Variants in EFS observed in about 807,000 individuals in gnomAD.
EFS encodes embryonal Fyn-associated substrate.
Under a neutral mutation model 42.2 loss-of-function variants are expected in EFS, and 34 were observed. The observed-to-expected ratio is 0.81, with a 90% CI of 0.61 to 1.07. The LOEUF is 1.07. Among genes scored for constraint, EFS ranks in the 50% least tolerant of loss-of-function variants. The pLI, the probability that EFS is intolerant of heterozygous loss-of-function variation, is 0.00. For synonymous variants in EFS, 299 were observed against 320.7 expected (o/e 0.93, Z 0.72); for missense variants, 717 against 729.4 (o/e 0.98, Z 0.20).
At chr14:23,363,369 G>A (rs982817996) in intron 1 of EFS, among the ~76,000 whole-genome samples, 1 of 152,078 alleles carries the variant, frequency 6.6e-6, no homozygotes, top group African/African-American at 2.4e-5. Context: ...ATGAGATAAC[G>A]CATAAAGAAA....
chr14:23,360,887 CG>C, intron 1 of EFS, 54 bp from the exon 2 acceptor site: 10 of 1,537,176 alleles, frequency 6.5e-6, no homozygotes, highest in African/African-American at 1.4e-5. Context: ...TTTCAGGTCA[CG>C]TCACCCCTGC....
chr14:23,359,532 G>T lies in EFS; in HGVS notation c.946C>A (p.Pro316Thr), dbSNP rs763601003. Residue 316 changes from proline to threonine, a missense_variant, in exon 4 of 6, where the codon CCC (proline) becomes ACC (threonine). Transcript: ENST00000216733. ...GGAGAGGGCACTGGGGAGGGGCTGG[G>T]GGCCTCAGGGACAGGCAGGGCAGGC... is the stretch of plus-strand genomic sequence containing the variant. ...PLPALPVPEA[P>T]SPSPVPSPAP... 6.5e-7 allele frequency: 1 copy of T among 1,534,052 alleles called. No homozygotes were observed. Among genetic ancestry groups the T allele is most frequent in the Admixed American group, 2.1e-5 (1 of 47,336 alleles).
chr14:23,362,240 A>G (rs1443645028), intron 1 of EFS, among the ~76,000 whole-genome samples: 3 of 152,230 alleles, frequency 2.0e-5, no homozygotes, highest in African/African-American at 7.2e-5. Flanking sequence ...GCTTGCTGGT[A>G]GGATCCCAGG....
At chr14:23,364,918 G>C in intron 1 of EFS, 90 bp downstream of exon 1, 1 of 1,164,812 alleles carries the variant, frequency 8.6e-7, no homozygotes, top group Non-Finnish European at 1.1e-6. Flanking sequence ...CAAGGAGAGA[G>C]ACAAAGAGAG....
intron 1 of EFS, among the ~76,000 whole-genome samples, chr14:23,364,720 G>C (rs1464795460): frequency 1.3e-5 from 2 of 152,014 alleles, no homozygotes; most frequent in Non-Finnish European, 2.9e-5. Context: ...GGAGCAGATA[G>C]GACTCGGGCT....
At chr14:23,358,053 G>A (rs1485022971) in intron 5 of EFS, among the ~76,000 whole-genome samples, 2 of 151,948 alleles carry the variant, frequency 1.3e-5, no homozygotes, top group Admixed American at 6.5e-5. Flanking sequence ...ATATAAAAAT[G>A]TTATAATTTC....
chr14:23,358,891 C>T lies in EFS; in HGVS notation c.1236G>A (p.Gly412=). The T allele has an allele frequency of 1.2e-6, 2 of 1,612,348 alleles. No homozygotes were observed. The highest frequency in any genetic ancestry group is 1.1e-5 in the South Asian group (1 of 90,718). ...CTGDPELPER[G]MPAPQEALSP... is the part of the protein sequence containing the mutation. ...CCAGGGTCACCTGCGGCGCCGGCAT[C>T]CCCCTCTCGGGCAGTTCAGGATCCC... The change falls in exon 5 of 6, where the codon GGG becomes GGA. Residue 412 remains glycine (G), a synonymous_variant. Coordinates refer to ENST00000216733, the MANE Select transcript of EFS (RefSeq NM_005864.4).
intron 1 of EFS, among the ~76,000 whole-genome samples, chr14:23,363,900 C>T (rs1890235325): frequency 6.6e-6 from 1 of 151,048 alleles, no homozygotes; most frequent in East Asian, 1.9e-4. Context: ...TGCCACTGCA[C>T]TCCAGCCTGG....
chr14:23,358,356 G>A (rs1889997245), intron 5 of EFS, among the ~76,000 whole-genome samples: 1 of 152,252 alleles, frequency 6.6e-6, no homozygotes, highest in Non-Finnish European at 1.5e-5. Flanking sequence ...ACTAACACGT[G>A]CAGTGTGCCT....
chr14:23,365,134 C>T lies in EFS; in HGVS notation c.-109G>A. ...GGCCTCTAGCCCCCAGCTGTGGCGC[C>T]TGAGTCGTGGCCTCCGCCAAGGTTG... On this transcript the variant is annotated 5_prime_UTR_variant, in exon 1 of 6. Transcript: ENST00000216733. This position sits in a 1 kb window ranked among gnomAD's most constrained non-coding sequence, Gnocchi z 5.3. 2 of 1,075,922 alleles carry T rather than the reference C, an allele frequency of 1.9e-6. No homozygotes were observed. The highest frequency in any genetic ancestry group is 2.4e-6 in the Non-Finnish European group (2 of 831,524). 66.6% of individuals were successfully genotyped at this position (1,075,922 alleles called of 1,614,324 possible).
At chr14:23,360,515 G>A in intron 2 of EFS, 40 bp downstream of exon 2, 2 of 1,519,894 alleles carry the variant, frequency 1.3e-6, no homozygotes, top group South Asian at 1.3e-5. Context: ...GGAGGAATGG[G>A]GCTCTTCTGG....
At position 23,359,801 on chromosome 14, in the gene EFS, G is replaced by A. The variant is rs774043832; in HGVS notation, c.677C>T (p.Ala226Val). ...IYAAPSNLKRASALLNLYEAP... is the reference protein window; with the variant it reads ...IYAAPSNLKRVSALLNLYEAP... Reference sequence around the variant, plus strand: ...TTCATACAAATTGAGTAAGGCTGACGCTCGTTTCAGGTTGGAGGGGGCAGC... The same window carrying A: ...TTCATACAAATTGAGTAAGGCTGACACTCGTTTCAGGTTGGAGGGGGCAGC... The change falls in exon 4 of 6, where the codon GCG becomes GTG. Residue 226 changes from alanine to valine, a missense_variant. Transcript: ENST00000216733. The A allele has an allele frequency of 7.9e-6, 12 of 1,524,084 alleles. No individual in the cohort carries two copies. Among genetic ancestry groups the A allele is most frequent in the South Asian group, 4.0e-5 (3 of 75,936 alleles). 94.4% of individuals were successfully genotyped at this position (1,524,084 alleles called of 1,614,324 possible).
In EFS at chr14:23,360,337, A is replaced by G; in HGVS notation, c.298-56T>C. ...GGAACGGAGGGGCCGGTGATCAGATAATGTCTGAGTGCGAGGAGCTTAGAG... is the reference window on the plus strand; with the variant it reads ...GGAACGGAGGGGCCGGTGATCAGATGATGTCTGAGTGCGAGGAGCTTAGAG... On this transcript the variant is annotated intron_variant, in intron 2 of 5. Transcript: ENST00000216733. 6 of 1,564,324 alleles carry G rather than the reference A, an allele frequency of 3.8e-6. No homozygotes were observed. The South Asian group carries it at 7.3e-5, about 19-fold the overall frequency.
Position 23,359,585 on chromosome 14 carries a change from G to A in EFS, c.893C>T (p.Ser298Leu). The A allele has an allele frequency of 2.7e-6, 4 of 1,490,610 alleles. No individual in the cohort carries two copies. Among genetic ancestry groups the A allele is most frequent in the Non-Finnish European group, 3.6e-6 (4 of 1,125,088 alleles). The allele number at this position is 1,490,610 out of a possible 1,614,324, so 92.3% of individuals were successfully genotyped here. A position where few individuals can be genotyped will look rare whatever the true frequency, so the allele number is the denominator to read the frequency against. The change falls in exon 4 of 6, where the codon TCA becomes TTA. Residue 298 changes from serine to leucine, a missense_variant. Physicochemically the swap from Ser to Leu is moderately radical, Grantham distance 145. Transcript: ENST00000216733. ...AGGGCGGCGGGACAGGCTCTCAGCT[G>A]AGGGGAGCCGGGGCCTGTGTGGGGG... ...PPPPHRPRLP[S>L]AESLSRRPLP... is the part of the protein sequence containing the mutation.
At chr14:23,360,873 C>A in intron 1 of EFS, 40 bp from the exon 2 acceptor site, 14 of 1,573,778 alleles carry the variant, frequency 8.9e-6, no homozygotes, top group Non-Finnish European at 1.1e-5. Context: ...GGTCTTCAGA[C>A]CCCTTTCAGG....
At chr14:23,364,564 C>T (rs978782011) in intron 1 of EFS, among the ~76,000 whole-genome samples, 1 of 152,120 alleles carries the variant, frequency 6.6e-6, no homozygotes, top group Non-Finnish European at 1.5e-5. Flanking sequence ...TCCCTCGTCT[C>T]GAGATGGGCC....
intron 1 of EFS, among the ~76,000 whole-genome samples, chr14:23,361,161 C>A (rs1336792136): frequency 1.3e-5 from 2 of 152,178 alleles, no homozygotes; most frequent in African/African-American, 4.8e-5. Context: ...GTATCGATTT[C>A]TTCCCTTATA....
At chr14:23,362,719 G>A (rs1890192819) in intron 1 of EFS, among the ~76,000 whole-genome samples, 1 of 152,116 alleles carries the variant, frequency 6.6e-6, no homozygotes, top group South Asian at 2.1e-4. Context: ...CTTGAGTCTT[G>A]GCTGTGTCTC....
intron 3 of EFS, 45 bp downstream of exon 3, chr14:23,360,096 C>T (rs759826548): frequency 6.2e-7 from 1 of 1,614,140 alleles, no homozygotes; most frequent in South Asian, 1.1e-5. Context: ...TCCCTTGGGG[C>T]CATTTGTCTC....
Sources: allele counts gnomAD v4.1 joint callset (sites outside exome capture counted in the v4.1 genomes callset), GRCh38; gene constraint gnomAD v4.1.1; non-coding constraint Gnocchi (gnomAD v3.1); transcripts MANE v1.5; gene names NCBI Gene and HGNC (gene_info 2026-07-23, HGNC 2026-07-21).